Variants in HMGXB4 observed in about 807,000 individuals in gnomAD.
The protein encoded by HMGXB4 is HMG domain-containing protein 4.
A neutral mutation model predicts 63.9 loss-of-function variants in HMGXB4; 27 were observed. That is an observed-to-expected ratio of 0.42 (90% CI 0.31 to 0.58). HMGXB4 has a LOEUF of 0.58. Among genes scored for constraint, HMGXB4 ranks in the 20% least tolerant of loss-of-function variants. The pLI is 0.13. For missense variants in HMGXB4, 624 were observed against 700.7 expected (o/e 0.89, Z 1.24); for synonymous variants, 264 against 265.3 (o/e 0.99, Z 0.05).
At chr22:35,253,669 TG>T (rs575253892), upstream of HMGXB4, among the ~76,000 whole-genome samples, 70 of 152,216 alleles carry the variant, frequency 4.6e-4, no homozygotes, top group Admixed American at 3.8e-3. Flanking sequence ...CTTTCCTCTC[TG>T]GTCAGGAGAC....
At chr22:35,292,939 C>T (rs748391335) in intron 9 of HMGXB4, 53 bp from the exon 10 acceptor site, 19 of 1,611,666 alleles carry the variant, frequency 1.2e-5, no homozygotes, top group Admixed American at 1.0e-4. Flanking sequence ...GGAAGTCAGC[C>T]GGAACACAGC....
chr22:35,265,235 G>C lies in HMGXB4; in HGVS notation c.847G>C (p.Asp283His). The change falls in exon 5 of 11, where the codon GAT becomes CAT. Residue 283 changes from aspartate to histidine, a missense_variant. Asp to His is a moderately conservative substitution (Grantham distance 81, BLOSUM62 -1). Around this residue, in one of 2 missense-constraint regions of HMGXB4, gnomAD observed 472 missense variants for 470.6 expected, o/e 1.00. Coordinates refer to ENST00000216106, the MANE Select transcript of HMGXB4 (RefSeq NM_001003681.3). ...QFAESHSANL[D>H]LSGLEPILVE... ...CGCAGAGTCCCACAGTGCTAACCTT[G>C]ATCTTTCAGGGCTTGAACCTATTCT... 1 of 1,614,146 alleles carries C rather than the reference G, an allele frequency of 6.2e-7. No homozygotes were observed.
At chr22:35,263,755 C>A in intron 3 of HMGXB4, 41 bp from the exon 4 acceptor site, 1 of 1,388,170 alleles carries the variant, frequency 7.2e-7, no homozygotes, top group Non-Finnish European at 1.0e-6. Flanking sequence ...ACTGCATTTG[C>A]CTCATCATCT....
chr22:35,288,326 A>G lies in HMGXB4; in HGVS notation c.1557A>G (p.Thr519=). 6 of 1,613,268 alleles carry G rather than the reference A, an allele frequency of 3.7e-6. No homozygotes were observed. Among genetic ancestry groups the G allele is most frequent in the Non-Finnish European group, 5.1e-6 (6 of 1,179,488 alleles). Residue 519 remains threonine (T), a synonymous_variant, in exon 9 of 11, where the codon ACA becomes ACG. Coordinates refer to ENST00000216106, the MANE Select transcript of HMGXB4 (RefSeq NM_001003681.3). ...CCTCACCAGCCAAAGCCCCTGAGACAGAGCCCATTGATGTTGCTGCTCATC... is the reference window on the plus strand; with the variant it reads ...CCTCACCAGCCAAAGCCCCTGAGACGGAGCCCATTGATGTTGCTGCTCATC... ...LPASPAKAPE[T]EPIDVAAHLQ...
Position 35,279,132 on chromosome 22 carries a change from CTTTTTTTTTTTTTTTTTT to C in HMGXB4, c.1216-4816_1216-4799del, listed in dbSNP as rs551006065. Reference sequence around the variant, plus strand: ...TATTTTCTCACAGTCTATGGATTGTCTTTTTTTTTTTTTTTTTTTTTTTTTTTTTTTGAGACGGAGTTT... The same window carrying C: ...TATTTTCTCACAGTCTATGGATTGTCTTTTTTTTTTTTTGAGACGGAGTTT... On this transcript the variant is annotated intron_variant, in intron 5 of 10. Coordinates refer to ENST00000216106, the MANE Select transcript of HMGXB4 (RefSeq NM_001003681.3). 2.8e-4 allele frequency among the ~76,000 whole-genome samples: 14 copies of C among 50,824 alleles called. No individual in the cohort carries two copies. The South Asian group carries it at 5.6e-3, about 20-fold the overall frequency. 33.3% of individuals were successfully genotyped at this position (50,824 alleles called of 152,430 possible).
At chr22:35,278,336 G>A (rs552455386) in intron 5 of HMGXB4, among the ~76,000 whole-genome samples, 153 of 152,274 alleles carry the variant, frequency 1.0e-3, no homozygotes, top group Non-Finnish European at 1.7e-3. Context: ...GTTTTTGTGT[G>A]GACATCAGTT....
upstream of HMGXB4, among the ~76,000 whole-genome samples, chr22:35,254,460 G>T (rs1163360716): frequency 6.6e-6 from 1 of 152,162 alleles, no homozygotes; most frequent in African/African-American, 2.4e-5. Context: ...CCCACTTCTG[G>T]CTGAGCTAGC....
rs374024629 is a variant in HMGXB4 at position 35,263,127 on chromosome 22, C to T, written c.81C>T (p.Gly27=). ...HTFEDIGLAA[G]RSQREKKRSY... The stretch of plus-strand genomic sequence containing the variant: ...TTGAGGACATAGGACTTGCAGCTGG[C>T]CGAAGCCAACGAGAGAAAAAACGTT... Residue 27 remains glycine (G), a synonymous_variant, in exon 3 of 11, where the codon GGC becomes GGT. Coordinates refer to ENST00000216106, the MANE Select transcript of HMGXB4 (RefSeq NM_001003681.3). 2.5e-6 allele frequency: 4 copies of T among 1,613,672 alleles called. No individual in the cohort carries two copies. Among genetic ancestry groups the T allele is most frequent in the Non-Finnish European group, 3.4e-6 (4 of 1,179,880 alleles).
At chr22:35,272,950 T>C (rs1237986379) in intron 5 of HMGXB4, among the ~76,000 whole-genome samples, 2 of 152,162 alleles carry the variant, frequency 1.3e-5, no homozygotes, top group Non-Finnish European at 1.5e-5. Context: ...AAATAAATAA[T>C]ATCCCGTAAT....
In HMGXB4 at chr22:35,263,569, C is replaced by T. The variant is rs182184674; in HGVS notation, c.181-227C>T. On this transcript the variant is annotated intron_variant, in intron 3 of 10. Transcript: ENST00000216106. ...AAGTGCTGGGATTACAGGCCTGGGC[C>T]ACTGCGCCAGGAAAGTCTTAAACTA... 1.2e-3 allele frequency among the ~76,000 whole-genome samples: 187 copies of T among 152,300 alleles called. 1 individual carries two copies. Among genetic ancestry groups the T allele is most frequent in the African/African-American group, 4.4e-3 (182 of 41,550 alleles).
intron 5 of HMGXB4, among the ~76,000 whole-genome samples, chr22:35,272,162 A>C (rs1158303767): frequency 6.6e-6 from 1 of 152,158 alleles, no homozygotes; most frequent in Non-Finnish European, 1.5e-5. Flanking sequence ...TAAGAGAAGG[A>C]AGAGGGGGCG....
chr22:35,271,115 A>G lies in HMGXB4; in HGVS notation c.1215+5512A>G, dbSNP rs1467491598. Among the ~76,000 whole-genome samples the G allele has an allele frequency of 2.0e-5, 3 of 151,688 alleles. No individual in the cohort carries two copies. In the East Asian group the frequency reaches 5.8e-4, roughly 29 times the overall value. ...CCTCTTAATTTTTTTTTTTTTAATT[A>G]GCCAGGCATGGTGGCAAGCACCTGA... On this transcript the variant is annotated intron_variant, in intron 5 of 10. Coordinates refer to ENST00000216106, the MANE Select transcript of HMGXB4 (RefSeq NM_001003681.3).
At chr22:35,290,630 CAAAAAAAAAAAA>C (rs767279436) in intron 9 of HMGXB4, among the ~76,000 whole-genome samples, 21 of 52,862 alleles carry the variant, frequency 4.0e-4, no homozygotes, top group South Asian at 1.4e-3. Context: ...GACTCCGCCT[CAAAAAAAAAAAA>C]AAAAAAAAAA....
intron 5 of HMGXB4, among the ~76,000 whole-genome samples, chr22:35,269,373 C>T (rs1219262631): frequency 6.6e-6 from 1 of 152,148 alleles, no homozygotes; most frequent in Non-Finnish European, 1.5e-5. Context: ...GTGAGACTGT[C>T]TCAAAACAAA....
chr22:35,278,135 GT>G, intron 5 of HMGXB4, among the ~76,000 whole-genome samples: 1 of 152,156 alleles, frequency 6.6e-6, no homozygotes, highest in Non-Finnish European at 1.5e-5. Flanking sequence ...CTTGCACTTA[GT>G]AATATGTCCT....
chr22:35,241,724 AG>A, the HMGXB4 span, among the ~76,000 whole-genome samples: 9 of 152,070 alleles, frequency 5.9e-5, no homozygotes, highest in East Asian at 1.9e-4. Context: ...TGTTCGGGAG[AG>A]GGGGGTCTCC....
chr22:35,257,936 C>T (rs866823057), intron 1 of HMGXB4: 51 of 152,246 alleles, frequency 3.3e-4, no homozygotes, highest in African/African-American at 1.1e-3. Flanking sequence ...AACCCGGGTT[C>T]AGGTCGAGCT....
At chr22:35,269,477 C>G (rs1923469767) in intron 5 of HMGXB4, among the ~76,000 whole-genome samples, 1 of 152,152 alleles carries the variant, frequency 6.6e-6, no homozygotes, top group African/African-American at 2.4e-5. Context: ...CCTTTACCAC[C>G]TTATAGTATC....
In HMGXB4 at chr22:35,263,826, A is replaced by G. The variant is rs878999690; in HGVS notation, c.211A>G (p.Thr71Ala). 1.2e-6 allele frequency: 2 copies of G among 1,613,562 alleles called. No homozygotes were observed. The highest frequency in any genetic ancestry group is 1.3e-5 in the African/African-American group (1 of 75,036). The part of the protein sequence containing the change: ...DSELYFLGTD[T>A]HKKKRKHSSD... The stretch of plus-strand genomic sequence containing the variant: ...TGAACTTTACTTCTTGGGGACGGAC[A>G]CACACAAGAAGAAGAGGAAGCACTC... Residue 71 changes from threonine (T) to alanine (A), a missense_variant, in exon 4 of 11, where the codon ACA (threonine) becomes GCA (alanine). Thr to Ala is a moderately conservative substitution (Grantham distance 58). Transcript: ENST00000216106.
Sources: allele counts gnomAD v4.1 joint callset (sites outside exome capture counted in the v4.1 genomes callset), GRCh38; gene constraint gnomAD v4.1.1; regional missense constraint gnomAD v4.1.1; transcripts MANE v1.5; gene names NCBI Gene and HGNC (gene_info 2026-07-23, HGNC 2026-07-21).